CCDC33: variants seen among roughly 807,000 people sequenced by gnomAD.
CCDC33 encodes the protein coiled-coil domain-containing protein 33.
In CCDC33, 94 loss-of-function variants were observed where a neutral mutation model predicts 91.9. The ratio of observed to expected loss-of-function variants is 1.02; its 90% CI spans 0.87 to 1.21. The LOEUF is 1.21. Ranked by LOEUF, CCDC33 falls within the 50% of genes most tolerant of loss-of-function variation. The probability of loss-of-function intolerance (pLI) is 0.00; values close to 1 mark genes in which losing one functional copy is unlikely to be tolerated. For synonymous variants in CCDC33, 396 were observed against 374.5 expected (o/e 1.06, Z -0.66); for missense variants, 940 against 935.5 (o/e 1.00, Z -0.06).
Position 74,272,814 on chromosome 15 carries a change from A to G in CCDC33, c.682A>G (p.Ile228Val), listed in dbSNP as rs1404211905. 2 of 1,614,196 alleles carry G rather than the reference A, an allele frequency of 1.2e-6. No individual in the cohort carries two copies. Among genetic ancestry groups the G allele is most frequent in the South Asian group, 1.1e-5 (1 of 91,088 alleles). Residue 228 changes from isoleucine to valine, a missense_variant, in exon 7 of 19, where the codon ATC becomes GTC. Transcript: ENST00000398814. ...NRDLASVGLPITPLSFPIPSM... is the reference protein window; with the variant it reads ...NRDLASVGLPVTPLSFPIPSM... ...GGACCTGGCCTCTGTGGGGCTGCCC[A>G]TCACCCCACTGTCCTTCCCTATCCC... is the stretch of plus-strand genomic sequence containing the variant.
chr15:74,308,258 A>T (rs2059927821), intron 11 of CCDC33, among the ~76,000 whole-genome samples: 1 of 151,870 alleles, frequency 6.6e-6, no homozygotes, highest in South Asian at 2.1e-4. Context: ...TGACTCTATC[A>T]GGGTGCACTC....
chr15:74,268,267 G>A, intron 4 of CCDC33, 75 bp from the exon 5 acceptor site: 1 of 1,042,182 alleles, frequency 9.6e-7, no homozygotes, highest in Non-Finnish European at 1.5e-6. Flanking sequence ...TCTGCAGAGG[G>A]CTGGATTTAT....
chr15:74,330,825 G>A, intron 13 of CCDC33, 74 bp downstream of exon 13: 1 of 1,514,744 alleles, frequency 6.6e-7, no homozygotes, highest in Non-Finnish European at 9.1e-7. Context: ...GAGTCTGGGA[G>A]GAGAAGGGAG....
At chr15:74,294,791 A>C (rs1482733857) in intron 10 of CCDC33, among the ~76,000 whole-genome samples, 2 of 152,048 alleles carry the variant, frequency 1.3e-5, no homozygotes, top group Non-Finnish European at 2.9e-5. Context: ...GTCTGGAATT[A>C]GCAACATGAA....
intron 5 of CCDC33, 35 bp downstream of exon 5, chr15:74,268,493 G>GT (rs762054302): frequency 2.1e-5 from 31 of 1,449,344 alleles, no homozygotes; most frequent in Admixed American, 1.9e-4. Flanking sequence ...GTGGTGGTGG[G>GT]GGTGGGAAAG....
At chr15:74,285,233 C>G (rs1223972473) in intron 10 of CCDC33, among the ~76,000 whole-genome samples, 1 of 152,192 alleles carries the variant, frequency 6.6e-6, no homozygotes, top group African/African-American at 2.4e-5. Flanking sequence ...GTTTTGGGCA[C>G]AGGCTGTCCT....
chr15:74,218,444 G>A lies in CCDC33; in HGVS notation c.311-53G>A, dbSNP rs1881788848. ...CCCTGCCTGTCCTCCTAGTCACCTG[G>A]CAGATGCAGAGAAACCTGAGACCAT... On this transcript the variant is annotated intron_variant, in intron 1 of 2. Coordinates refer to the CCDC33 transcript ENST00000635913. The surrounding 1 kb of genome is among the most constrained non-coding windows in gnomAD (Gnocchi z 4.8). The A allele has an allele frequency of 2.4e-6, 3 of 1,232,152 alleles. No homozygotes were observed. Among genetic ancestry groups the A allele is most frequent in the Non-Finnish European group, 3.1e-6 (3 of 957,312 alleles). 76.3% of individuals were successfully genotyped at this position (1,232,152 alleles called of 1,614,324 possible). A position where few individuals can be genotyped will look rare whatever the true frequency, so the allele number is the denominator to read the frequency against.
At chr15:74,261,294 A>G (rs1272581870) in intron 2 of CCDC33, among the ~76,000 whole-genome samples, 1 of 152,220 alleles carries the variant, frequency 6.6e-6, no homozygotes, top group Non-Finnish European at 1.5e-5. Flanking sequence ...TCACAGCGTC[A>G]CTTAAGTCTA....
intron 1 of CCDC33, chr15:74,207,687 C>T (rs930752396): frequency 2.0e-5 from 31 of 1,535,508 alleles, no homozygotes; most frequent in Non-Finnish European, 2.7e-5. Flanking sequence ...GGGATGGCCA[C>T]TGTGCCCACC....
At chr15:74,278,581 C>T (rs950821449) in intron 7 of CCDC33, among the ~76,000 whole-genome samples, 1 of 152,202 alleles carries the variant, frequency 6.6e-6, no homozygotes, top group Non-Finnish European at 1.5e-5. Flanking sequence ...TGCTGGGCCT[C>T]CCCCTGGAGT....
At chr15:74,216,164 C>T (rs1316351929), upstream of CCDC33, among the ~76,000 whole-genome samples, 1 of 152,098 alleles carries the variant, frequency 6.6e-6, no homozygotes, top group Non-Finnish European at 1.5e-5. Flanking sequence ...GACCTCAGAC[C>T]TGGCAGAGGT....
Position 74,295,837 on chromosome 15 carries a change from C to T in CCDC33, c.1179C>T (p.Thr393=). 2 of 1,614,166 alleles carry T rather than the reference C, an allele frequency of 1.2e-6. No homozygotes were observed. The highest frequency in any genetic ancestry group is 1.3e-5 in the African/African-American group (1 of 75,052). The stretch of plus-strand genomic sequence containing the variant: ...AGATCCTGGATAAGAAGCTGAGAAC[C>T]ATCCAAGAGTCCTGGTCCAAGGACA... The part of the protein sequence containing the change: ...DPKILDKKLR[T]IQESWSKDTV... Residue 393 remains threonine, a synonymous_variant, in exon 11 of 19, where the codon ACC becomes ACT. Coordinates refer to ENST00000398814, the MANE Select transcript of CCDC33 (RefSeq NM_025055.5).
At chr15:74,323,249 G>A (rs574421478) in intron 11 of CCDC33, among the ~76,000 whole-genome samples, 116 of 152,090 alleles carry the variant, frequency 7.6e-4, no homozygotes, top group Non-Finnish European at 8.7e-4. Flanking sequence ...TGCAGATCCG[G>A]AAACTGCTAA....
At chr15:74,203,306 AGAG>A (rs2074168417) in intron 1 of CCDC33, 2 of 670,794 alleles carry the variant, frequency 3.0e-6, no homozygotes, top group Admixed American at 1.3e-4. Context: ...CGGGTAGGCA[AGAG>A]GAGCCCCGCC....
At chr15:74,260,590 G>A (rs1300817256) in intron 2 of CCDC33, among the ~76,000 whole-genome samples, 2 of 152,148 alleles carry the variant, frequency 1.3e-5, no homozygotes, top group African/African-American at 2.4e-5. Context: ...CTCTCAGGGC[G>A]GTACTATTGA....
At chr15:74,315,922 C>T (rs1466991259) in intron 11 of CCDC33, among the ~76,000 whole-genome samples, 1 of 152,130 alleles carries the variant, frequency 6.6e-6, no homozygotes, top group East Asian at 1.9e-4. Flanking sequence ...GAATAAAGCC[C>T]CAATGCCACC....
chr15:74,314,826 C>T (rs889218821), intron 11 of CCDC33, among the ~76,000 whole-genome samples: 4 of 152,206 alleles, frequency 2.6e-5, no homozygotes, highest in African/African-American at 9.7e-5. Context: ...CGGGAGCTGG[C>T]ATCTCTGCTC....
At chr15:74,333,761 C>T (rs1596147084) in intron 16 of CCDC33, 120 bp from the exon 17 acceptor site, 11 of 725,152 alleles carry the variant, frequency 1.5e-5, no homozygotes, top group Admixed American at 9.9e-5. Context: ...CGCTCTGCCT[C>T]GGGAGCTCAG....
At chr15:74,283,835 ACT>A (rs1193973537) in intron 10 of CCDC33, among the ~76,000 whole-genome samples, 1 of 147,986 alleles carries the variant, frequency 6.8e-6, no homozygotes, top group Non-Finnish European at 1.5e-5. Context: ...CTACATATAC[ACT>A]CTCAATCACG....
Sources: gnomAD v4.1 joint callset for allele counts (sites outside exome capture counted in the v4.1 genomes callset) on GRCh38, gnomAD v4.1.1 for gene constraint, Gnocchi (gnomAD v3.1) non-coding constraint, MANE v1.5 for transcripts, NCBI Gene and HGNC (gene_info 2026-07-23, HGNC 2026-07-21) for gene names.